The following AKT2 variants were observed in gnomAD, a reference collection of about 807,000 sequenced individuals.
The protein encoded by AKT2 is AKT serine/threonine kinase 2, also known as RAC-beta serine/threonine-protein kinase.
A neutral mutation model predicts 58.6 loss-of-function variants in AKT2; 16 were observed. The ratio of observed to expected loss-of-function variants is 0.27; its 90% CI spans 0.18 to 0.41. AKT2 has a LOEUF of 0.41. Among genes scored for constraint, AKT2 ranks in the 10% least tolerant of loss-of-function variants. AKT2 has a pLI of 1.00. For synonymous variants in AKT2, 253 were observed against 254.0 expected (o/e 1.00, Z 0.04); for missense variants, 438 against 661.0 (o/e 0.66, Z 3.70).
chr19:40,258,311 A>G (rs575325949), intron 2 of AKT2, among the ~76,000 whole-genome samples: 1 of 151,658 alleles, frequency 6.6e-6, no homozygotes, highest in Admixed American at 6.6e-5. Context: ...CTCTGAACAT[A>G]CTAAAACCAA....
At chr19:40,268,356 G>A (rs553733530) in intron 1 of AKT2, among the ~76,000 whole-genome samples, 2 of 152,338 alleles carry the variant, frequency 1.3e-5, no homozygotes, top group African/African-American at 2.4e-5. Flanking sequence ...GGCGCCCAGT[G>A]AACAGCCAAA....
At chr19:40,248,609 G>A (rs934477537) in intron 4 of AKT2, among the ~76,000 whole-genome samples, 3 of 152,240 alleles carry the variant, frequency 2.0e-5, no homozygotes, top group African/African-American at 7.2e-5. Flanking sequence ...GGGAGGGAAA[G>A]GAACCCAGGC....
chr19:40,239,949 C>G (rs1462781305), intron 7 of AKT2, 96 bp downstream of exon 7: 1 of 1,484,234 alleles, frequency 6.7e-7, no homozygotes. Flanking sequence ...CTGGCCTACC[C>G]CAAGACTGTG....
intron 2 of AKT2, among the ~76,000 whole-genome samples, chr19:40,264,791 T>C (rs1371620235): frequency 6.6e-6 from 1 of 150,576 alleles, no homozygotes; most frequent in Admixed American, 6.6e-5. Context: ...CGACATTCCA[T>C]GTCTACTTAT....
chr19:40,263,405 G>A (rs1260888369), intron 2 of AKT2, among the ~76,000 whole-genome samples: 2 of 152,206 alleles, frequency 1.3e-5, no homozygotes, highest in Non-Finnish European at 2.9e-5. Flanking sequence ...TCATGAAAAT[G>A]CCTACCCTTG....
In AKT2 at chr19:40,235,014, G is replaced by T; in HGVS notation, c.1366+31C>A. 1.3e-6 allele frequency: 2 copies of T among 1,581,578 alleles called. No homozygotes were observed. The highest frequency in any genetic ancestry group is 1.7e-6 in the Non-Finnish European group (2 of 1,150,476). ...TCCCATCCCTCCACCCCTGGGGCAG[G>T]CACACCAGCGCGGGGGCCCCAGGCA... is the stretch of plus-strand genomic sequence containing the variant. On this transcript the variant is annotated intron_variant, in intron 13 of 13. Transcript: ENST00000392038. The surrounding 1 kb of genome is among the most constrained non-coding windows in gnomAD (Gnocchi z 6.3).
chr19:40,242,216 G>T lies in AKT2; in HGVS notation c.442-147C>A. ...GGAAGGGAGGCTCTGGGCAGCAACTGTGTGTTCTGAAGCGGCCTTCAGACC... is the reference window on the plus strand; with the variant it reads ...GGAAGGGAGGCTCTGGGCAGCAACTTTGTGTTCTGAAGCGGCCTTCAGACC... On this transcript the variant is annotated intron_variant, in intron 5 of 13. Coordinates refer to ENST00000392038, the MANE Select transcript of AKT2 (RefSeq NM_001626.6). This position sits in a 1 kb window ranked among gnomAD's most constrained non-coding sequence, Gnocchi z 4.3. The T allele has an allele frequency of 8.1e-7, 1 of 1,230,130 alleles. No individual in the cohort carries two copies. Among genetic ancestry groups the T allele is most frequent in the Non-Finnish European group, 1.2e-6 (1 of 865,190 alleles). 76.2% of individuals were successfully genotyped at this position (1,230,130 alleles called of 1,614,324 possible). A position where few individuals can be genotyped will look rare whatever the true frequency, so the allele number is the denominator to read the frequency against.
chr19:40,265,088 A>T (rs1600085252), intron 2 of AKT2, 134 bp downstream of exon 2: 1 of 1,323,150 alleles, frequency 7.6e-7, no homozygotes, highest in East Asian at 2.5e-5. Context: ...GGGCATAAGC[A>T]GCTGTGGGCC....
At chr19:40,276,705 T>TTA (rs1307004447) in intron 1 of AKT2, among the ~76,000 whole-genome samples, 2 of 151,838 alleles carry the variant, frequency 1.3e-5, no homozygotes, top group Non-Finnish European at 2.9e-5. Context: ...AAGCACATGT[T>TTA]TATGTTATCT....
chr19:40,281,674 A>G (rs1404394369), intron 1 of AKT2, among the ~76,000 whole-genome samples: 2 of 152,204 alleles, frequency 1.3e-5, no homozygotes, highest in Non-Finnish European at 2.9e-5. Flanking sequence ...TGTAAAACTG[A>G]GATGCTAATT....
In AKT2 at chr19:40,242,201, C is replaced by T; in HGVS notation, c.442-132G>A. 7.6e-7 allele frequency: 1 copy of T among 1,320,558 alleles called. No individual in the cohort carries two copies. Among genetic ancestry groups the T allele is most frequent in the Non-Finnish European group, 1.1e-6 (1 of 943,730 alleles). 81.8% of individuals were successfully genotyped at this position (1,320,558 alleles called of 1,614,324 possible). On this transcript the variant is annotated intron_variant, in intron 5 of 13. Coordinates refer to ENST00000392038, the MANE Select transcript of AKT2 (RefSeq NM_001626.6). The surrounding 1 kb of genome is among the most constrained non-coding windows in gnomAD (Gnocchi z 4.3). Reference sequence around the variant, plus strand: ...GCTTAGGCTGGAGCAGGAAGGGAGGCTCTGGGCAGCAACTGTGTGTTCTGA... The same window carrying T: ...GCTTAGGCTGGAGCAGGAAGGGAGGTTCTGGGCAGCAACTGTGTGTTCTGA...
chr19:40,237,867 G>C lies in AKT2; in HGVS notation c.831+102C>G, dbSNP rs918863715. On this transcript the variant is annotated intron_variant, in intron 9 of 13. Transcript: ENST00000392038. This position sits in a 1 kb window ranked among gnomAD's most constrained non-coding sequence, Gnocchi z 4.5. ...AGCCACCACCCTGGACCTTGGTGGG[G>C]AGCCTGGCGAATGAGGGCAGAAGCT... is the stretch of plus-strand genomic sequence containing the variant. 10 of 1,536,386 alleles carry C rather than the reference G, an allele frequency of 6.5e-6. No homozygotes were observed. Among genetic ancestry groups the C allele is most frequent in the Non-Finnish European group, 7.9e-6 (9 of 1,135,024 alleles).
At chr19:40,279,628 AG>A (rs1231526177) in intron 1 of AKT2, 12 of 147,598 alleles carry the variant, frequency 8.1e-5, no homozygotes, top group Non-Finnish European at 1.6e-4. Context: ...TGCTCCTTCT[AG>A]GAAGATACCC....
intron 1 of AKT2, among the ~76,000 whole-genome samples, chr19:40,267,730 T>C (rs1976461747): frequency 6.6e-6 from 1 of 152,116 alleles, no homozygotes; most frequent in African/African-American, 2.4e-5. Context: ...ACCAATCTTT[T>C]TTGGGGTGCA....
chr19:40,283,375 AG>A (rs2077457440), intron 1 of AKT2, among the ~76,000 whole-genome samples: 2 of 152,244 alleles, frequency 1.3e-5, no homozygotes, highest in African/African-American at 4.8e-5. Context: ...AAAAGCTGGC[AG>A]GAGAGGACCA....
At chr19:40,283,459 C>G (rs1600126993) in intron 1 of AKT2, among the ~76,000 whole-genome samples, 1 of 152,174 alleles carries the variant, frequency 6.6e-6, no homozygotes, top group Admixed American at 6.5e-5. Flanking sequence ...ACCTTTCTCT[C>G]CAGGAACCAC....
Position 40,242,244 on chromosome 19 carries a change from G to C in AKT2, c.442-175C>G. The C allele has an allele frequency of 3.0e-6, 3 of 994,322 alleles. No individual in the cohort carries two copies. The highest frequency in any genetic ancestry group is 4.5e-6 in the Non-Finnish European group (3 of 660,648). 61.6% of individuals were successfully genotyped at this position (994,322 alleles called of 1,614,324 possible). On this transcript the variant is annotated intron_variant, in intron 5 of 13. Coordinates refer to ENST00000392038, the MANE Select transcript of AKT2 (RefSeq NM_001626.6). This position sits in a 1 kb window ranked among gnomAD's most constrained non-coding sequence, Gnocchi z 4.3. ...TGTTCTGAAGCGGCCTTCAGACCAGGCTCTGCAGGCACAGGGCCTTGGGAG... is the reference window on the plus strand; with the variant it reads ...TGTTCTGAAGCGGCCTTCAGACCAGCCTCTGCAGGCACAGGGCCTTGGGAG...
chr19:40,255,242 G>A lies in AKT2; in HGVS notation c.203C>T (p.Pro68Leu), dbSNP rs1410236931. Residue 68 changes from proline to leucine, a missense_variant, in exon 4 of 14, where the codon CCG becomes CTG. Coordinates refer to ENST00000392038, the MANE Select transcript of AKT2 (RefSeq NM_001626.6). ...AECQLMKTER[P>L]RPNTFVIRCL... ...GCGTATGACAAAGGTGTTGGGTCGC[G>A]GCCTCTCGGTCTTCATCAGCTGGCA... 2.5e-6 allele frequency: 4 copies of A among 1,613,912 alleles called. No homozygotes were observed. The highest frequency in any genetic ancestry group is 2.2e-5 in the East Asian group (1 of 44,894).
intron 2 of AKT2, among the ~76,000 whole-genome samples, chr19:40,264,124 C>T (rs537736024): frequency 1.0e-3 from 155 of 152,314 alleles, no homozygotes; most frequent in Non-Finnish European, 1.9e-3. Flanking sequence ...TAGAACAGCG[C>T]CTGGCCCACA....
Sources: allele counts gnomAD v4.1 joint callset (sites outside exome capture counted in the v4.1 genomes callset), GRCh38; gene constraint gnomAD v4.1.1; non-coding constraint Gnocchi (gnomAD v3.1); transcripts MANE v1.5; gene names NCBI Gene and HGNC (gene_info 2026-07-23, HGNC 2026-07-21).